Variants in TOR1AIP1 observed in about 807,000 individuals in gnomAD.
The protein encoded by TOR1AIP1 is torsin 1A interacting protein 1.
Under a neutral mutation model 63.3 loss-of-function variants are expected in TOR1AIP1, and 54 were observed. The ratio of observed to expected loss-of-function variants is 0.85; its 90% confidence interval spans 0.69 to 1.07. The LOEUF (loss-of-function observed/expected upper bound fraction) is 1.07. Ranked by LOEUF, TOR1AIP1 falls within the 50% of genes least tolerant of loss-of-function variation. TOR1AIP1 has a pLI of 0.00. For synonymous variants in TOR1AIP1, 294 were observed against 273.5 expected, an observed-to-expected ratio of 1.07 and a Z score of -0.74; for missense variants, 736 against 715.0, an observed-to-expected ratio of 1.03 and a Z score of -0.33.
At chr1:179,891,016 A>G (rs1648058608) in intron 3 of TOR1AIP1, among the ~76,000 whole-genome samples, 1 of 152,186 alleles carries the variant, frequency 6.6e-6, no homozygotes, top group African/African-American at 2.4e-5. Context: ...CTAATTTATT[A>G]TGTCAGTTTG....
At chr1:179,915,143 T>C (rs2148483080) in intron 9 of TOR1AIP1, among the ~76,000 whole-genome samples, 1 of 152,320 alleles carries the variant, frequency 6.6e-6, no homozygotes, top group Non-Finnish European at 1.5e-5. Flanking sequence ...AAATCCAGCT[T>C]TTATACAGAT....
At chr1:179,911,339 G>A (rs756840722) in intron 8 of TOR1AIP1, among the ~76,000 whole-genome samples, 3 of 152,022 alleles carry the variant, frequency 2.0e-5, no homozygotes, top group African/African-American at 4.8e-5. Context: ...ATTTCTGCCC[G>A]CTTTGGTGAG....
Position 179,882,766 on chromosome 1 carries a change from A to G in TOR1AIP1, c.264A>G (p.Glu88=), listed in dbSNP as rs1558037007. The change falls in exon 1 of 10, where the codon GAA becomes GAG. Residue 88 remains glutamate, a synonymous_variant. Coordinates refer to ENST00000606911, the MANE Select transcript of TOR1AIP1 (RefSeq NM_015602.4). The part of the protein sequence containing the change: ...RSPVGKRTRL[E]EFRSDSAKEE... The stretch of plus-strand genomic sequence containing the variant: ...CGGTGGGAAAACGAACCCGGCTAGA[A>G]GAGTTCCGGTCCGATTCTGCGAAAG... The G allele has an allele frequency of 1.2e-6, 2 of 1,614,200 alleles. No individual in the cohort carries two copies. The highest frequency in any genetic ancestry group is 8.5e-7 in the Non-Finnish European group (1 of 1,180,028).
chr1:179,907,738 A>G (rs1648694100), intron 6 of TOR1AIP1, 85 bp from the exon 7 acceptor site: 6 of 994,810 alleles, frequency 6.0e-6, no homozygotes, highest in Non-Finnish European at 8.8e-6. Context: ...TAGTATCCAC[A>G]GTAAACAAGC....
intron 3 of TOR1AIP1, 33 bp downstream of exon 3, chr1:179,889,402 G>C (rs1461738731): frequency 7.1e-6 from 11 of 1,546,580 alleles, no homozygotes; most frequent in Non-Finnish European, 9.8e-6. Context: ...GTTTACCTTT[G>C]TTATAAATAC....
intron 1 of TOR1AIP1, 131 bp from the exon 2 acceptor site, chr1:179,884,560 TA>T: frequency 1.5e-6 from 1 of 670,422 alleles, no homozygotes; most frequent in Non-Finnish European, 2.4e-6. Context: ...TTGGTAAACC[TA>T]ACCACCTGTT....
At chr1:179,908,774 T>C (rs945766971) in intron 8 of TOR1AIP1, 101 bp downstream of exon 8, 1 of 971,200 alleles carries the variant, frequency 1.0e-6, no homozygotes, top group African/African-American at 1.6e-5. Flanking sequence ...AGGTTGTTTG[T>C]GATTTCACTA....
intron 9 of TOR1AIP1, among the ~76,000 whole-genome samples, chr1:179,917,006 C>G (rs1558048073): frequency 1.3e-5 from 2 of 152,042 alleles, no homozygotes; most frequent in Non-Finnish European, 2.9e-5. Context: ...TTCTTTATCC[C>G]TTTATGTACT....
chr1:179,901,284 T>C lies in TOR1AIP1; in HGVS notation c.653-18T>C, dbSNP rs764118372. On this transcript the variant is annotated intron_variant, in intron 4 of 9. Transcript: ENST00000606911. ...CATTAAAATAGACTATATTAGTATA[T>C]TGTTTACTTCTCTTTAGGAGAAACT... 1.9e-5 allele frequency: 30 copies of C among 1,563,338 alleles called. No individual in the cohort carries two copies. The highest frequency in any genetic ancestry group is 2.5e-5 in the Non-Finnish European group (29 of 1,139,450).
rs146247532 is a variant in TOR1AIP1, at chr1:179,889,209, G to T, written c.554-104G>T. 4.8e-3 allele frequency: 4,096 copies of T among 852,190 alleles called. 13 individuals carry two copies. The highest frequency in any genetic ancestry group is 0.016 in the Middle Eastern group (47 of 2,884). The allele number at this position is 852,190 out of a possible 1,614,324, so 52.8% of individuals were successfully genotyped here. A position where few individuals can be genotyped will look rare whatever the true frequency, so the allele number is the denominator to read the frequency against. On this transcript the variant is annotated intron_variant, in intron 2 of 9. Coordinates refer to ENST00000606911, the MANE Select transcript of TOR1AIP1 (RefSeq NM_015602.4). ...CTCTACTTCTCTAGCGTAAATAAAA[G>T]CTCTGTAAACCTTTGTTGAATAAAT...
intron 5 of TOR1AIP1, among the ~76,000 whole-genome samples, chr1:179,901,927 A>G (rs1248554576): frequency 6.6e-6 from 1 of 152,026 alleles, no homozygotes; most frequent in Non-Finnish European, 1.5e-5. Context: ...AATGCTAAAC[A>G]AATTTGTAAA....
intron 1 of TOR1AIP1, among the ~76,000 whole-genome samples, chr1:179,884,281 A>G (rs561111400): frequency 6.6e-6 from 1 of 152,294 alleles, no homozygotes; most frequent in African/African-American, 2.4e-5. Context: ...GTTACATTGT[A>G]TTGAGTTCCA....
rs1214623004 is a variant in TOR1AIP1 at position 179,882,498 on chromosome 1, C to T, written c.-5C>T. ...TCGCGATCGACTAAAGCTACGTCAA[C>T]AACTATGGCGGGCGACGGGCGGCGG... On this transcript the variant is annotated 5_prime_UTR_variant, in exon 1 of 10. Coordinates refer to ENST00000606911, the MANE Select transcript of TOR1AIP1 (RefSeq NM_015602.4). 12 of 1,467,104 alleles carry T rather than the reference C, an allele frequency of 8.2e-6. No homozygotes were observed. Among genetic ancestry groups the T allele is most frequent in the Non-Finnish European group, 1.1e-5 (12 of 1,110,228 alleles). 90.9% of individuals were successfully genotyped at this position (1,467,104 alleles called of 1,614,324 possible).
Position 179,889,311 on chromosome 1 carries a change from A to G in TOR1AIP1, c.554-2A>G. The G allele has an allele frequency of 6.3e-7, 1 of 1,597,366 alleles. No individual in the cohort carries two copies. Among genetic ancestry groups the G allele is most frequent in the Non-Finnish European group, 8.6e-7 (1 of 1,166,874 alleles). On this transcript the variant is annotated splice_acceptor_variant, in intron 2 of 9. Transcript: ENST00000606911. LOFTEE classifies it high-confidence loss of function. The stretch of plus-strand genomic sequence containing the variant: ...AAATGTTTTCTCTTCCTATATTAGC[A>G]GTGAGTGAAGATCTTGTAATCAGGT...
intron 2 of TOR1AIP1, among the ~76,000 whole-genome samples, chr1:179,886,327 C>T (rs1647906725): frequency 6.6e-6 from 1 of 152,136 alleles, no homozygotes; most frequent in Admixed American, 6.5e-5. Context: ...AATAGAATGT[C>T]TTGAATAGTC....
intron 3 of TOR1AIP1, 99 bp from the exon 4 acceptor site, chr1:179,900,027 T>C: frequency 2.4e-6 from 2 of 843,108 alleles, no homozygotes; most frequent in South Asian, 1.6e-5. Flanking sequence ...CTTTTATTTA[T>C]TCCTAAGCTT....
At position 179,917,663 on chromosome 1, in the gene TOR1AIP1, A is replaced by G. The variant is rs773074361; in HGVS notation, c.1176A>G (p.Thr392=). The part of the protein sequence containing the change: ...QDEKLWKRSQ[T]FLEKHLNSSH... ...AGAAGCTGTGGAAAAGGAGCCAAACATTCCTGGAAAAACATCTTAATAGCT... is the reference window on the plus strand; with the variant it reads ...AGAAGCTGTGGAAAAGGAGCCAAACGTTCCTGGAAAAACATCTTAATAGCT... Residue 392 remains threonine (T), a synonymous_variant, in exon 10 of 10, where the codon ACA becomes ACG. Coordinates refer to ENST00000606911, the MANE Select transcript of TOR1AIP1 (RefSeq NM_015602.4). The G allele has an allele frequency of 1.1e-5, 18 of 1,614,224 alleles. No homozygotes were observed. The highest frequency in any genetic ancestry group is 1.4e-5 in the Non-Finnish European group (16 of 1,180,042).
chr1:179,912,015 T>TTTTTTTC, intron 8 of TOR1AIP1, among the ~76,000 whole-genome samples: 2 of 83,384 alleles, frequency 2.4e-5, no homozygotes, highest in African/African-American at 7.8e-5. Context: ...TTTTTTCTTT[T>TTTTTTTC]TTTTTTCTTT....
intron 8 of TOR1AIP1, chr1:179,913,708 A>G: frequency 2.9e-6 from 2 of 701,574 alleles, no homozygotes; most frequent in Non-Finnish European, 5.2e-6. Context: ...CAATCCCATT[A>G]GATACTTAAT....
Sources: gnomAD v4.1 joint callset for allele counts (sites outside exome capture counted in the v4.1 genomes callset) on GRCh38, gnomAD v4.1.1 for gene constraint, MANE v1.5 for transcripts, NCBI Gene and HGNC (gene_info 2026-07-23, HGNC 2026-07-21) for gene names.